The following KCNH1 variants were observed in gnomAD, a reference collection of about 807,000 sequenced individuals.
KCNH1 encodes voltage-gated delayed rectifier potassium channel KCNH1.
KCNH1 carries 27 observed loss-of-function variants against 69.2 expected under a neutral mutation model. The ratio of observed to expected loss-of-function variants is 0.39; its 90% confidence interval spans 0.29 to 0.54. The LOEUF (loss-of-function observed/expected upper bound fraction) is 0.54, where lower values mean the gene tolerates loss of function less well. Ranked by LOEUF, KCNH1 falls within the 20% of genes least tolerant of loss-of-function variation. The pLI is 0.68. For synonymous variants in KCNH1, 456 were observed against 487.7 expected, an observed-to-expected ratio of 0.93 and a Z score of 0.86; for missense variants, 798 against 1,261.6, an observed-to-expected ratio of 0.63 and a Z score of 5.57.
At chr1:210,686,526 T>G (rs1340261955) in intron 10 of KCNH1, among the ~76,000 whole-genome samples, 1 of 151,978 alleles carries the variant, frequency 6.6e-6, no homozygotes, top group African/African-American at 2.4e-5. Context: ...CATGCCTTCT[T>G]AGAGAGGAGA....
chr1:210,834,753 G>A (rs1422570881), intron 7 of KCNH1, among the ~76,000 whole-genome samples: 1 of 151,814 alleles, frequency 6.6e-6, no homozygotes, highest in Non-Finnish European at 1.5e-5. Flanking sequence ...AGGGCCTTTG[G>A]TAGGTGATTA....
chr1:210,953,809 AC>A (rs2102348508), intron 6 of KCNH1, among the ~76,000 whole-genome samples: 2 of 152,132 alleles, frequency 1.3e-5, no homozygotes, highest in Non-Finnish European at 2.9e-5. Flanking sequence ...CTCTCTCCCT[AC>A]TGACCTCTTT....
intron 6 of KCNH1, among the ~76,000 whole-genome samples, chr1:210,967,018 T>C (rs1688419668): frequency 6.6e-6 from 1 of 152,112 alleles, no homozygotes; most frequent in Non-Finnish European, 1.5e-5. Flanking sequence ...ATATACACCA[T>C]GGAATATTAT....
intron 5 of KCNH1, among the ~76,000 whole-genome samples, chr1:211,030,216 AAAAT>A (rs1689757575): frequency 6.6e-6 from 1 of 152,256 alleles, no homozygotes; most frequent in African/African-American, 2.4e-5. Context: ...TTGAATAACA[AAAAT>A]AAAGTGGTTC....
rs1235090132 is a variant in KCNH1 at position 210,967,913 on chromosome 1, T to A, written c.1033-47844A>T. 5.3e-5 allele frequency among the ~76,000 whole-genome samples: 8 copies of A among 151,962 alleles called. No homozygotes were observed. The East Asian group carries it at 1.5e-3, about 29-fold the overall frequency. On this transcript the variant is annotated intron_variant, in intron 6 of 10. Transcript: ENST00000271751. ...TTAAGTTTTAGGGTACATGTGCACA[T>A]TGTGCAGGTTAGTTACATATGTATA...
intron 7 of KCNH1, among the ~76,000 whole-genome samples, chr1:210,908,245 G>A (rs1218979991): frequency 6.6e-6 from 1 of 152,196 alleles, no homozygotes; most frequent in Non-Finnish European, 1.5e-5. Flanking sequence ...GTAGGGTTTT[G>A]ATAAATATTT....
intron 10 of KCNH1, among the ~76,000 whole-genome samples, chr1:210,770,307 G>T (rs980312376): frequency 6.6e-6 from 1 of 152,162 alleles, no homozygotes; most frequent in Non-Finnish European, 1.5e-5. Flanking sequence ...AACCACAATG[G>T]CACATGTATA....
At chr1:210,828,169 A>G (rs980490668) in intron 7 of KCNH1, among the ~76,000 whole-genome samples, 2 of 152,124 alleles carry the variant, frequency 1.3e-5, no homozygotes, top group South Asian at 4.1e-4. Context: ...TAAAATGGAG[A>G]TAAGTAACAC....
intron 5 of KCNH1, among the ~76,000 whole-genome samples, chr1:211,021,976 C>A (rs1435582763): frequency 1.3e-5 from 2 of 151,908 alleles, no homozygotes; most frequent in Non-Finnish European, 2.9e-5. Context: ...AAAAATTAAT[C>A]CTAAAATTTA....
At chr1:210,998,184 G>A (rs541427163) in intron 6 of KCNH1, among the ~76,000 whole-genome samples, 6 of 152,150 alleles carry the variant, frequency 3.9e-5, no homozygotes, top group Non-Finnish European at 8.8e-5. Context: ...ATGTAAATGG[G>A]CTAAATGCTC....
At chr1:210,940,177 G>C (rs937116056) in intron 6 of KCNH1, among the ~76,000 whole-genome samples, 2 of 152,116 alleles carry the variant, frequency 1.3e-5, no homozygotes, top group African/African-American at 4.8e-5. Context: ...TTTTACTTTA[G>C]GCTGGTTTAA....
At chr1:210,985,032 A>C (rs928181399) in intron 6 of KCNH1, among the ~76,000 whole-genome samples, 1 of 152,068 alleles carries the variant, frequency 6.6e-6, no homozygotes, top group African/African-American at 2.4e-5. Flanking sequence ...TATGTCGAGG[A>C]ATTTATCCAT....
At chr1:210,871,465 C>A (rs965899519) in intron 7 of KCNH1, among the ~76,000 whole-genome samples, 1 of 152,110 alleles carries the variant, frequency 6.6e-6, no homozygotes, top group Non-Finnish European at 1.5e-5. Context: ...GACTGTAAAC[C>A]AGTTCAACCA....
intron 10 of KCNH1, among the ~76,000 whole-genome samples, chr1:210,698,867 C>T (rs1043253470): frequency 6.6e-6 from 1 of 152,242 alleles, no homozygotes; most frequent in African/African-American, 2.4e-5. Flanking sequence ...GCCTGCCATC[C>T]AGCCTGCATC....
At chr1:210,959,671 C>T (rs934729183) in intron 6 of KCNH1, among the ~76,000 whole-genome samples, 1 of 152,230 alleles carries the variant, frequency 6.6e-6, no homozygotes, top group Non-Finnish European at 1.5e-5. Flanking sequence ...GACTGCTGCA[C>T]TAGCAGTGAG....
intron 6 of KCNH1, among the ~76,000 whole-genome samples, chr1:210,948,609 C>T (rs1303929011): frequency 6.6e-6 from 1 of 151,950 alleles, no homozygotes; most frequent in Non-Finnish European, 1.5e-5. Flanking sequence ...GCGGGCGGAT[C>T]ACAAGGTCAG....
At chr1:210,944,861 G>T (rs1178386620) in intron 6 of KCNH1, among the ~76,000 whole-genome samples, 2 of 152,168 alleles carry the variant, frequency 1.3e-5, no homozygotes, top group Non-Finnish European at 2.9e-5. Context: ...TTCATCTCCA[G>T]AAATTTTTCA....
chr1:211,011,237 C>T (rs1322344591), intron 6 of KCNH1, among the ~76,000 whole-genome samples: 1 of 152,158 alleles, frequency 6.6e-6, no homozygotes. Context: ...GTTTGGTTTT[C>T]CGTTCCTGTG....
At position 211,134,053 on chromosome 1, in the gene KCNH1, C is replaced by T; in HGVS notation, c.-108G>A. 6.5e-6 allele frequency: 6 copies of T among 929,122 alleles called. No homozygotes were observed. In the South Asian group the frequency reaches 7.6e-5, roughly 12 times the overall value. The allele number at this position is 929,122 out of a possible 1,614,324, so 57.6% of individuals were successfully genotyped here. ...GTCCCGGCTCGAAGCGCCCCATGCG[C>T]CCGGCGGGGATCCGCAGGCAGGGCT... On this transcript the variant is annotated 5_prime_UTR_variant, in exon 1 of 11. Coordinates refer to ENST00000271751, the MANE Select transcript of KCNH1 (RefSeq NM_172362.3). This position sits in a 1 kb window ranked among gnomAD's most constrained non-coding sequence, Gnocchi z 5.7.
Sources: allele counts gnomAD v4.1 joint callset (sites outside exome capture counted in the v4.1 genomes callset), GRCh38; gene constraint gnomAD v4.1.1; non-coding constraint Gnocchi (gnomAD v3.1); transcripts MANE v1.5; gene names NCBI Gene and HGNC (gene_info 2026-07-23, HGNC 2026-07-21).